The following LIMS1 variants were observed in gnomAD, a reference collection of about 807,000 sequenced individuals.
LIMS1 encodes LIM and senescent cell antigen-like-containing domain protein 1.
Under a neutral mutation model 44.1 loss-of-function variants are expected in LIMS1, and 18 were observed. That is an observed-to-expected ratio of 0.41 (90% CI 0.28 to 0.61). The LOEUF (loss-of-function observed/expected upper bound fraction) is 0.61, where lower values mean the gene tolerates loss of function less well. LIMS1 is among the 20% of genes least tolerant of loss of function. The probability of loss-of-function intolerance (pLI) is 0.32; values close to 1 mark genes in which losing one functional copy is unlikely to be tolerated. For missense variants in LIMS1, 201 were observed against 422.0 expected, an observed-to-expected ratio of 0.48 and a Z score of 4.59; for synonymous variants, 93 against 149.1, an observed-to-expected ratio of 0.62 and a Z score of 2.74.
intron 1 of LIMS1, among the ~76,000 whole-genome samples, chr2:108,642,132 G>A (rs767108169): frequency 1.4e-4 from 21 of 152,012 alleles, no homozygotes; most frequent in African/African-American, 2.7e-4. Flanking sequence ...CAAGTGCTCC[G>A]TTTAGCCATC....
intron 1 of LIMS1, among the ~76,000 whole-genome samples, chr2:108,639,371 C>A (rs1255538516): frequency 6.6e-6 from 1 of 152,230 alleles, no homozygotes; most frequent in East Asian, 1.9e-4. Flanking sequence ...AAATGTTGAT[C>A]ATCACTTTTA....
In LIMS1 at chr2:108,618,823, CAAAAAAAA is replaced by C. The variant is rs36086497; in HGVS notation, c.33-40768_33-40761del. On this transcript the variant is annotated intron_variant, in intron 1 of 9. Transcript: ENST00000544547. ...CTGGCGACAGAGCAAGACTCCGTCT[CAAAAAAAA>C]AAAAAAAAAAAAAGATCCTGGTTAA... is the stretch of plus-strand genomic sequence containing the variant. Among the ~76,000 whole-genome samples the C allele has an allele frequency of 3.5e-5, 3 of 85,740 alleles. No individual in the cohort carries two copies. In the East Asian group the frequency reaches 1.6e-3, roughly 44 times the overall value. The allele number at this position is 85,740 out of a possible 152,430, so 56.2% of individuals were successfully genotyped here. A position where few individuals can be genotyped will look rare whatever the true frequency, so the allele number is the denominator to read the frequency against.
At chr2:108,639,435 ATC>A (rs1689511060) in intron 1 of LIMS1, among the ~76,000 whole-genome samples, 1 of 152,326 alleles carries the variant, frequency 6.6e-6, no homozygotes, top group Non-Finnish European at 1.5e-5. Flanking sequence ...AAGATCATAT[ATC>A]ATATATGTGT....
rs376979405 is a variant in LIMS1, at chr2:108,678,018, G to C, written c.814G>C (p.Glu272Gln). Residue 272 changes from glutamate (E) to glutamine (Q), a missense_variant, in exon 8 of 10, where the codon GAA becomes CAA. Transcript: ENST00000544547. ...TTGCTTCCACTGCAATCGTGTTATA[G>C]AAGGTGATGGTAAGTATCTGTGTGA... 5.0e-6 allele frequency: 8 copies of C among 1,604,532 alleles called. No homozygotes were observed. Among genetic ancestry groups the C allele is most frequent in the Non-Finnish European group, 8.5e-7 (1 of 1,178,436 alleles).
intron 1 of LIMS1, among the ~76,000 whole-genome samples, chr2:108,581,829 A>G (rs1256759228): frequency 6.6e-6 from 1 of 151,722 alleles, no homozygotes; most frequent in Admixed American, 6.6e-5. Flanking sequence ...CCCAGCTACT[A>G]GGGAGGCTGA....
At chr2:108,667,546 AAAAAAATAT>A (rs1558837733) in intron 2 of LIMS1, among the ~76,000 whole-genome samples, 81 of 73,610 alleles carry the variant, frequency 1.1e-3, no homozygotes, top group African/African-American at 3.3e-3. Flanking sequence ...TTTAAAAAAA[AAAAAAATAT>A]ATATATATAT....
At chr2:108,586,063 G>A (rs1302767918) in intron 1 of LIMS1, among the ~76,000 whole-genome samples, 1 of 152,086 alleles carries the variant, frequency 6.6e-6, no homozygotes, top group Non-Finnish European at 1.5e-5. Flanking sequence ...GTTGTGGAGG[G>A]TGCCTGTAGT....
At chr2:108,683,635 A>G (rs181232432) in intron 9 of LIMS1, among the ~76,000 whole-genome samples, 2 of 151,986 alleles carry the variant, frequency 1.3e-5, no homozygotes, top group African/African-American at 2.4e-5. Context: ...AATGTAATCT[A>G]CAGTCTGTGT....
At position 108,674,775 on chromosome 2, in the gene LIMS1, G is replaced by C. The variant is rs1318460470; in HGVS notation, c.531-1103G>C. ...AAAACAGTTTGGTTGTATAAGTTCA[G>C]CCATCTCATCTTTTGTGATTGAATT... On this transcript the variant is annotated intron_variant, in intron 5 of 9. Coordinates refer to ENST00000544547, the Ensembl canonical transcript of LIMS1. Among the ~76,000 whole-genome samples, 18 of 147,990 alleles carry C rather than the reference G, an allele frequency of 1.2e-4. 1 individual carries two copies. In the Admixed American group the frequency reaches 1.2e-3, roughly 10 times the overall value.
chr2:108,680,585 A>G lies in LIMS1; in HGVS notation c.824-110A>G, dbSNP rs1692920793. ...AAAAAGGTTCTTGAGAACCTCCACCAAGTGCCACAGACACAGTCGTAGTTC... is the reference window on the plus strand; with the variant it reads ...AAAAAGGTTCTTGAGAACCTCCACCGAGTGCCACAGACACAGTCGTAGTTC... On this transcript the variant is annotated intron_variant, in intron 8 of 9. Coordinates refer to ENST00000544547, the Ensembl canonical transcript of LIMS1. The G allele has an allele frequency of 5.5e-6, 8 of 1,453,522 alleles. No homozygotes were observed. The East Asian group carries it at 1.9e-4, about 34-fold the overall frequency. The allele number at this position is 1,453,522 out of a possible 1,614,324, so 90.0% of individuals were successfully genotyped here. A position where few individuals can be genotyped will look rare whatever the true frequency, so the allele number is the denominator to read the frequency against.
At chr2:108,555,098 A>G (rs1684880117) in intron 1 of LIMS1, among the ~76,000 whole-genome samples, 1 of 152,152 alleles carries the variant, frequency 6.6e-6, no homozygotes, top group Admixed American at 6.5e-5. Context: ...ATGAGAATCC[A>G]TTCTTTAAGT....
intron 1 of LIMS1, among the ~76,000 whole-genome samples, chr2:108,599,143 A>T (rs1686869442): frequency 6.6e-6 from 1 of 151,976 alleles, no homozygotes; most frequent in Non-Finnish European, 1.5e-5. Flanking sequence ...TTTCTAACTA[A>T]TGTTTTTGTA....
chr2:108,585,532 A>C (rs987017281), intron 1 of LIMS1, among the ~76,000 whole-genome samples: 13 of 152,156 alleles, frequency 8.5e-5, no homozygotes, highest in African/African-American at 2.9e-4. Flanking sequence ...AAGTTTAAGA[A>C]GGTCCAGCCA....
intron 1 of LIMS1, among the ~76,000 whole-genome samples, chr2:108,551,749 A>G (rs891288021): frequency 6.1e-5 from 9 of 146,540 alleles, no homozygotes; most frequent in African/African-American, 2.0e-4. Context: ...TACAATATAC[A>G]TACATACCTA....
At chr2:108,641,072 A>G (rs887481338) in intron 1 of LIMS1, among the ~76,000 whole-genome samples, 2 of 152,172 alleles carry the variant, frequency 1.3e-5, no homozygotes, top group Admixed American at 1.3e-4. Flanking sequence ...ACTTAACATA[A>G]TGTACCCCGG....
chr2:108,593,909 T>G (rs1686533730), intron 1 of LIMS1, among the ~76,000 whole-genome samples: 1 of 152,224 alleles, frequency 6.6e-6, no homozygotes, highest in African/African-American at 2.4e-5. Context: ...AATCCTTCAG[T>G]CATTACATAT....
exon 10 of LIMS1, chr2:108,684,878 T>C (rs1693224044): frequency 6.6e-6 from 1 of 152,148 alleles, no homozygotes; most frequent in Non-Finnish European, 1.5e-5. Flanking sequence ...GTCGGTCATA[T>C]TGCCTTTATA....
intron 1 of LIMS1, among the ~76,000 whole-genome samples, chr2:108,619,674 ACT>A (rs778324392): frequency 6.6e-6 from 1 of 152,026 alleles, no homozygotes; most frequent in Non-Finnish European, 1.5e-5. Context: ...ACAGAGGGAG[ACT>A]CTGTCTCAAA....
At chr2:108,550,543 C>T (rs781621236) in intron 1 of LIMS1, among the ~76,000 whole-genome samples, 16 of 151,378 alleles carry the variant, frequency 1.1e-4, no homozygotes, top group Non-Finnish European at 2.1e-4. Flanking sequence ...AGCCCAGGCA[C>T]GGTGGCTCAC....
Sources: gnomAD v4.1 joint callset for allele counts (sites outside exome capture counted in the v4.1 genomes callset) on GRCh38, gnomAD v4.1.1 for gene constraint, MANE v1.5 for transcripts, NCBI Gene and HGNC (gene_info 2026-07-23, HGNC 2026-07-21) for gene names.